The following ZNF727 variants were observed in gnomAD, a reference collection of about 807,000 sequenced individuals.
ZNF727 encodes the protein zinc finger protein 727, also known as putative zinc finger protein 727.
ZNF727 carries 11 observed loss-of-function variants against 11.5 expected under a neutral mutation model. That is an observed-to-expected ratio of 0.95 (90% CI 0.60 to 1.58). ZNF727 has a LOEUF of 1.58. Among genes scored for constraint, ZNF727 ranks in the 40% most tolerant of loss-of-function variants. ZNF727 has a pLI of 0.00. For synonymous variants in ZNF727, 171 were observed against 196.1 expected, an observed-to-expected ratio of 0.87 and a Z score of 1.07; for missense variants, 533 against 581.7, an observed-to-expected ratio of 0.92 and a Z score of 0.86.
chr7:64,076,495 C>T (rs1191581475), intron 3 of ZNF727, among the ~76,000 whole-genome samples: 1 of 152,040 alleles, frequency 6.6e-6, no homozygotes, highest in Non-Finnish European at 1.5e-5. Flanking sequence ...ATCTTAGCTA[C>T]TCCGGAGGCT....
At chr7:64,049,652 G>A (rs2116265845) in intron 1 of ZNF727, among the ~76,000 whole-genome samples, 1 of 151,784 alleles carries the variant, frequency 6.6e-6, no homozygotes, top group East Asian at 1.9e-4. Context: ...CATTTTTAAT[G>A]TGGAATAGGA....
At chr7:64,072,964 G>A (rs11773874) in intron 3 of ZNF727, among the ~76,000 whole-genome samples, 98,664 of 151,908 alleles carry the variant, frequency 0.65, 32,438 homozygotes, top group Admixed American at 0.72. Context: ...TCACCCTACA[G>A]AGTTGCTAGG....
rs374786272 is a variant in ZNF727 at position 64,069,646 on chromosome 7, C to G, written c.226+37C>G. ...TGAGTGAAGCAAATGACATAAATGACGGTTCCCAATGTCAAGGAGGAAGCC... is the reference window on the plus strand; with the variant it reads ...TGAGTGAAGCAAATGACATAAATGAGGGTTCCCAATGTCAAGGAGGAAGCC... On this transcript the variant is annotated intron_variant, in intron 3 of 3. Coordinates refer to ENST00000456806, the MANE Select transcript of ZNF727 (RefSeq NM_001159522.3). 5.4e-6 allele frequency: 8 copies of G among 1,480,332 alleles called. No individual in the cohort carries two copies. The African/African-American group carries it at 9.8e-5, about 18-fold the overall frequency. The allele number at this position is 1,480,332 out of a possible 1,614,324, so 91.7% of individuals were successfully genotyped here. A position where few individuals can be genotyped will look rare whatever the true frequency, so the allele number is the denominator to read the frequency against.
At chr7:64,053,271 G>T (rs931066375) in intron 1 of ZNF727, among the ~76,000 whole-genome samples, 5 of 152,150 alleles carry the variant, frequency 3.3e-5, no homozygotes, top group African/African-American at 1.2e-4. Context: ...CTGTTCTCCT[G>T]ATAGCGAATA....
chr7:64,070,064 A>C (rs1227467427), intron 3 of ZNF727, among the ~76,000 whole-genome samples: 1 of 152,072 alleles, frequency 6.6e-6, no homozygotes, highest in Non-Finnish European at 1.5e-5. Context: ...AATCCCAGGA[A>C]CACCACAAAA....
chr7:64,066,749 C>G (rs1192352702), intron 1 of ZNF727, among the ~76,000 whole-genome samples: 1 of 152,126 alleles, frequency 6.6e-6, no homozygotes, highest in African/African-American at 2.4e-5. Flanking sequence ...TGGGCAAAGA[C>G]TTCATGACTA....
chr7:64,053,815 C>A (rs1010588693), intron 1 of ZNF727, among the ~76,000 whole-genome samples: 2 of 152,138 alleles, frequency 1.3e-5, no homozygotes, highest in Non-Finnish European at 1.5e-5. Flanking sequence ...ATGTCTTTAC[C>A]CGCAGCATGA....
chr7:64,063,864 C>T (rs1286802768), intron 1 of ZNF727, among the ~76,000 whole-genome samples: 2 of 152,066 alleles, frequency 1.3e-5, no homozygotes, highest in Admixed American at 6.6e-5. Flanking sequence ...CTACTCTTTT[C>T]TCTCCTTTCT....
intron 1 of ZNF727, among the ~76,000 whole-genome samples, chr7:64,050,835 T>C (rs913220316): frequency 3.3e-5 from 5 of 151,852 alleles, no homozygotes; most frequent in African/African-American, 9.7e-5. Context: ...TATAGCCTGA[T>C]TGTCAATTTT....
chr7:64,054,861 T>A (rs898301436), intron 1 of ZNF727, among the ~76,000 whole-genome samples: 5 of 152,176 alleles, frequency 3.3e-5, no homozygotes, highest in Admixed American at 1.3e-4. Context: ...ATACCTAAAA[T>A]TGTGTTAAAA....
chr7:64,045,748 C>T lies in ZNF727; in HGVS notation c.3+124C>T, dbSNP rs73700152. On this transcript the variant is annotated intron_variant, in intron 1 of 3. Coordinates refer to ENST00000456806, the MANE Select transcript of ZNF727 (RefSeq NM_001159522.3). ...CAGCAGCTCCGAGTCCCCGTGGGCA[C>T]AGTTCAGTCCTCACTTCCCTCCGTC... The T allele has an allele frequency of 2.9e-3, 3,649 of 1,239,566 alleles. 81 individuals are homozygous for T. In the African/African-American group the frequency reaches 0.048, roughly 16 times the overall value. 76.8% of individuals were successfully genotyped at this position (1,239,566 alleles called of 1,614,324 possible).
chr7:64,045,749 A>C (rs1034481576), intron 1 of ZNF727, 125 bp downstream of exon 1: 2 of 1,246,812 alleles, frequency 1.6e-6, no homozygotes, highest in Middle Eastern at 1.9e-4. Context: ...CCGTGGGCAC[A>C]GTTCAGTCCT....
Position 64,078,415 on chromosome 7 carries a change from G to T in ZNF727, c.1366G>T (p.Glu456Ter), listed in dbSNP as rs775703854. The T allele has an allele frequency of 8.7e-5, 139 of 1,592,626 alleles. No homozygotes were observed. The highest frequency in any genetic ancestry group is 1.1e-4 in the Non-Finnish European group (131 of 1,169,224). The change falls in exon 4 of 4, where the codon GAA (glutamate) becomes TAA (stop). Residue 456 changes from glutamate (E) to a stop codon, truncating the protein, a stop_gained. Transcript: ENST00000456806. LOFTEE classifies it low-confidence loss of function (END_TRUNC). ...HTGEKPYKCE[E>*]CGKTFTCSSS... ...TGGAGAGAAGCCCTACAAATGTGAA[G>T]AATGTGGCAAAACCTTTACCTGCTC...
intron 1 of ZNF727, among the ~76,000 whole-genome samples, chr7:64,065,091 TTGCTGGAGGG>T (rs1293054849): frequency 6.6e-6 from 1 of 152,182 alleles, no homozygotes; most frequent in Non-Finnish European, 1.5e-5. Context: ...TGGGGGATGG[TTGCTGGAGGG>T]TGCTATTTAG....
At chr7:64,051,477 A>G (rs1466240272) in intron 1 of ZNF727, among the ~76,000 whole-genome samples, 8 of 152,226 alleles carry the variant, frequency 5.3e-5, no homozygotes, top group African/African-American at 1.7e-4. Flanking sequence ...AAAGCTGTCT[A>G]TGGGAGTAGA....
At chr7:64,069,850 T>G (rs1584152422) in intron 3 of ZNF727, among the ~76,000 whole-genome samples, 1 of 152,274 alleles carries the variant, frequency 6.6e-6, no homozygotes, top group African/African-American at 2.4e-5. Context: ...TTGTTTTTTT[T>G]GTTTTTTGTG....
chr7:64,073,311 T>G (rs10479668), intron 3 of ZNF727, among the ~76,000 whole-genome samples: 4,357 of 27,542 alleles, frequency 0.16, 208 homozygotes, highest in East Asian at 0.36. Flanking sequence ...TTTTGTGTGT[T>G]TTTTTTTTTC....
intron 1 of ZNF727, among the ~76,000 whole-genome samples, chr7:64,067,140 A>C (rs1584150352): frequency 4.3e-5 from 1 of 23,278 alleles, no homozygotes; most frequent in African/African-American, 1.0e-4. Flanking sequence ...AACAAACATG[A>C]AAAAAAACTC....
At chr7:64,071,713 A>G (rs1789965043) in intron 3 of ZNF727, among the ~76,000 whole-genome samples, 1 of 152,120 alleles carries the variant, frequency 6.6e-6, no homozygotes, top group Non-Finnish European at 1.5e-5. Flanking sequence ...TAAGATTATT[A>G]AGAATTTTGT....
Sources: allele counts gnomAD v4.1 joint callset (sites outside exome capture counted in the v4.1 genomes callset), GRCh38; gene constraint gnomAD v4.1.1; transcripts MANE v1.5; gene names NCBI Gene and HGNC (gene_info 2026-07-23, HGNC 2026-07-21).